Variants in MACROH2A1 observed in about 807,000 individuals in gnomAD.
MACROH2A1 encodes macroH2A.1 histone, also known as core histone macro-H2A.1.
A neutral mutation model predicts 31.6 loss-of-function variants in MACROH2A1; 2 were observed. That is an observed-to-expected ratio of 0.06 (90% CI 0.03 to 0.20). The LOEUF (loss-of-function observed/expected upper bound fraction) is 0.20. MACROH2A1 is among the 10% of genes least tolerant of loss of function. The pLI is 1.00. For synonymous variants in MACROH2A1, 169 were observed against 189.6 expected, an observed-to-expected ratio of 0.89 and a Z score of 0.89; for missense variants, 230 against 474.0, an observed-to-expected ratio of 0.49 and a Z score of 4.78.
At position 135,386,565 on chromosome 5, in the gene MACROH2A1, A is replaced by G. The variant is rs191876343; in HGVS notation, c.172+2357T>C. 2.5e-3 allele frequency among the ~76,000 whole-genome samples: 381 copies of G among 152,310 alleles called. 3 individuals are homozygous for G. Among genetic ancestry groups the G allele is most frequent in the Non-Finnish European group, 2.9e-3 (200 of 68,018 alleles). The stretch of plus-strand genomic sequence containing the variant: ...GTGATAGTGATGGGCTCTCCTGGCC[A>G]GTCCTATGCCCTGCTGTGACCTCTC... On this transcript the variant is annotated intron_variant, in intron 2 of 8. Coordinates refer to ENST00000511689, the MANE Select transcript of MACROH2A1 (RefSeq NM_138610.3).
At chr5:135,392,195 C>G (rs990367936) in intron 1 of MACROH2A1, among the ~76,000 whole-genome samples, 3 of 152,236 alleles carry the variant, frequency 2.0e-5, no homozygotes, top group African/African-American at 7.2e-5. Context: ...GAATTGCTCA[C>G]TGCTCCATGT....
At chr5:135,385,297 C>A (rs1034016836) in intron 2 of MACROH2A1, among the ~76,000 whole-genome samples, 1 of 152,254 alleles carries the variant, frequency 6.6e-6, no homozygotes, top group South Asian at 2.1e-4. Flanking sequence ...CAAGCATTCT[C>A]CAGAAAGCAT....
intron 5 of MACROH2A1, chr5:135,358,268 T>G (rs188682834): frequency 1.0e-6 from 1 of 985,142 alleles, no homozygotes. Flanking sequence ...TGCAGGGGTG[T>G]AGGATTCCAG....
chr5:135,389,127 C>A lies in MACROH2A1; in HGVS notation c.-33-1G>T. ...CCCTGGAGGCGGATCAGTGAGCACA[C>A]TGTGAAGGCGAGAGGCACACCGGTC... On this transcript the variant is annotated splice_acceptor_variant, in intron 1 of 8. Transcript: ENST00000511689. LOFTEE classifies it low-confidence loss of function (5UTR_SPLICE). 6.3e-7 allele frequency: 1 copy of A among 1,598,272 alleles called. No homozygotes were observed.
intron 6 of MACROH2A1, chr5:135,346,295 C>A (rs1760825205): frequency 7.5e-6 from 4 of 533,156 alleles, no homozygotes; most frequent in Middle Eastern, 4.8e-4. Flanking sequence ...TTATTTGGGT[C>A]TGACTCAGGG....
At chr5:135,380,339 C>T (rs1400055574) in intron 2 of MACROH2A1, among the ~76,000 whole-genome samples, 2 of 152,164 alleles carry the variant, frequency 1.3e-5, no homozygotes, top group Admixed American at 6.5e-5. Context: ...CTTTTGACCC[C>T]AGCACCCCGC....
chr5:135,371,899 C>T (rs542205011), intron 2 of MACROH2A1, among the ~76,000 whole-genome samples: 2 of 152,192 alleles, frequency 1.3e-5, no homozygotes, highest in South Asian at 4.2e-4. Flanking sequence ...GCATAAAAAT[C>T]GTGTGTTAAA....
chr5:135,372,004 T>C (rs777072773), intron 2 of MACROH2A1, among the ~76,000 whole-genome samples: 3 of 152,078 alleles, frequency 2.0e-5, no homozygotes, highest in Admixed American at 6.6e-5. Context: ...AGCTGAAAAA[T>C]TGCTTGGCTA....
intron 1 of MACROH2A1, among the ~76,000 whole-genome samples, chr5:135,391,800 A>G (rs1366550263): frequency 2.0e-5 from 3 of 152,166 alleles, no homozygotes; most frequent in African/African-American, 7.2e-5. Flanking sequence ...CCGCCTGCAG[A>G]ACCTCTCAGG....
chr5:135,380,784 A>G (rs1765560435), intron 2 of MACROH2A1, among the ~76,000 whole-genome samples: 1 of 152,180 alleles, frequency 6.6e-6, no homozygotes, highest in African/African-American at 2.4e-5. Context: ...TTCTAGATTT[A>G]TTTTTAAATA....
upstream of MACROH2A1, chr5:135,399,303 G>T (rs988527584): frequency 6.6e-6 from 1 of 151,868 alleles, no homozygotes; most frequent in African/African-American, 2.4e-5. This position sits in a 1 kb window ranked among gnomAD's most constrained non-coding sequence, Gnocchi z 4.5. Flanking sequence ...GGCCCCGAGC[G>T]TCCGGCCTCC....
Position 135,345,963 on chromosome 5 carries a change from C to CGGGG in MACROH2A1, c.778+4_778+5insCCCC. ...CAGATAAGCACGGTGGCTTTCCCAC[C>CGGGG]TCACCTCCAGCTACTTCCAAGGGCC... On this transcript the variant is annotated splice_donor_region_variant and intron_variant, in intron 7 of 8. Transcript: ENST00000511689. 1 of 1,593,546 alleles carries CGGGG rather than the reference C, an allele frequency of 6.3e-7. No homozygotes were observed. The highest frequency in any genetic ancestry group is 8.6e-7 in the Non-Finnish European group (1 of 1,161,270).
In MACROH2A1 at chr5:135,334,884, GTCCCACC is replaced by G; in HGVS notation, c.*85_*91del. 1 of 1,063,566 alleles carries G rather than the reference GTCCCACC, an allele frequency of 9.4e-7. No individual in the cohort carries two copies. The highest frequency in any genetic ancestry group is 1.4e-6 in the Non-Finnish European group (1 of 721,120). The allele number at this position is 1,063,566 out of a possible 1,614,324, so 65.9% of individuals were successfully genotyped here. A position where few individuals can be genotyped will look rare whatever the true frequency, so the allele number is the denominator to read the frequency against. The stretch of plus-strand genomic sequence containing the variant: ...ATGAGCAAAACTGAAAATGAAAGGG[GTCCCACC>G]TCCCAGTAGGAGTGAAGGGGATTTT... On this transcript the variant is annotated 3_prime_UTR_variant, in exon 9 of 9. Coordinates refer to ENST00000511689, the MANE Select transcript of MACROH2A1 (RefSeq NM_138610.3).
intron 6 of MACROH2A1, chr5:135,351,112 G>C: frequency 2.2e-6 from 1 of 459,308 alleles, no homozygotes; most frequent in East Asian, 3.2e-5. Context: ...AATGTGACAT[G>C]TTTAAATTAA....
At position 135,345,959 on chromosome 5, in the gene MACROH2A1, CCA is replaced by C; in HGVS notation, c.778+7_778+8del. On this transcript the variant is annotated splice_region_variant and intron_variant, in intron 7 of 8. Coordinates refer to ENST00000511689, the MANE Select transcript of MACROH2A1 (RefSeq NM_138610.3). ...CAACCAGATAAGCACGGTGGCTTTC[CCA>C]CCTCACCTCCAGCTACTTCCAAGGG... 1 of 1,543,102 alleles carries C rather than the reference CCA, an allele frequency of 6.5e-7. No homozygotes were observed. The highest frequency in any genetic ancestry group is 9.0e-7 in the Non-Finnish European group (1 of 1,115,316).
chr5:135,398,401 T>G lies in MACROH2A1; in HGVS notation c.-34+661A>C, dbSNP rs1465863873. On this transcript the variant is annotated intron_variant, in intron 1 of 8. Transcript: ENST00000511689. This position sits in a 1 kb window ranked among gnomAD's most constrained non-coding sequence, Gnocchi z 4.6. ...TCCTACCACAAAGCAAACAAAAGGC[T>G]GATACCGAGACAATCGGGAGCAGCG... 1.3e-5 allele frequency among the ~76,000 whole-genome samples: 2 copies of G among 152,178 alleles called. No individual in the cohort carries two copies. The highest frequency in any genetic ancestry group is 4.8e-5 in the African/African-American group (2 of 41,450).
chr5:135,352,399 C>T (rs1761695565), intron 6 of MACROH2A1, among the ~76,000 whole-genome samples: 1 of 152,190 alleles, frequency 6.6e-6, no homozygotes, highest in African/African-American at 2.4e-5. Flanking sequence ...CTGTTTAATA[C>T]CATCCTCTAG....
At chr5:135,389,677 A>G (rs1045355155) in intron 1 of MACROH2A1, among the ~76,000 whole-genome samples, 1 of 152,166 alleles carries the variant, frequency 6.6e-6, no homozygotes, top group Non-Finnish European at 1.5e-5. Flanking sequence ...CAGATGGGCC[A>G]ATCTTTAGAG....
At chr5:135,377,628 A>T (rs1006199759) in intron 2 of MACROH2A1, among the ~76,000 whole-genome samples, 4 of 152,238 alleles carry the variant, frequency 2.6e-5, no homozygotes, top group Middle Eastern at 3.2e-3. Flanking sequence ...CACTGGGAGC[A>T]GAATCAGGGA....
Sources: allele counts gnomAD v4.1 joint callset (sites outside exome capture counted in the v4.1 genomes callset), GRCh38; gene constraint gnomAD v4.1.1; non-coding constraint Gnocchi (gnomAD v3.1); transcripts MANE v1.5; gene names NCBI Gene and HGNC (gene_info 2026-07-23, HGNC 2026-07-21).